The following DST variants were observed in gnomAD, a reference collection of about 807,000 sequenced individuals.
DST encodes the protein dystonin.
Under a neutral mutation model 875.2 loss-of-function variants are expected in DST, and 253 were observed. That is an observed-to-expected ratio of 0.29 (90% confidence interval 0.26 to 0.32). The LOEUF (loss-of-function observed/expected upper bound fraction) is 0.32, where lower values mean the gene tolerates loss of function less well. DST is among the 10% of genes least tolerant of loss of function. DST has a pLI of 1.00. For missense variants in DST, 8,287 were observed against 9,111.6 expected (o/e 0.91, Z 3.68); for synonymous variants, 3,124 against 3,197.1 (o/e 0.98, Z 0.77).
At chr6:56,562,113 G>T in intron 56 of DST, 25 bp downstream of exon 56, 4 of 1,419,090 alleles carry the variant, frequency 2.8e-6, no homozygotes, top group Non-Finnish European at 3.8e-6. Flanking sequence ...ACATTAATCA[G>T]TAACAAATTA....
At position 56,744,777 on chromosome 6, in the gene DST, T is replaced by C. The variant is rs928908431; in HGVS notation, c.626-9488A>G. The stretch of plus-strand genomic sequence containing the variant: ...CTCACTTGCCTACCTGATTTGACCT[T>C]CAACCACAGAAATCTCAGCCAACAT... On this transcript the variant is annotated intron_variant, in intron 4 of 103. Transcript: ENST00000680361. 2.6e-5 allele frequency among the ~76,000 whole-genome samples: 4 copies of C among 152,258 alleles called. No individual in the cohort carries two copies. In the South Asian group the frequency reaches 8.3e-4, roughly 32 times the overall value.
chr6:56,916,077 A>C (rs1475530920), intron 2 of DST, among the ~76,000 whole-genome samples: 1 of 152,212 alleles, frequency 6.6e-6, no homozygotes, highest in African/African-American at 2.4e-5. Context: ...CTCAGATGGC[A>C]GATAGGTGAT....
At chr6:56,951,908 T>C (rs1445101700) in intron 2 of DST, among the ~76,000 whole-genome samples, 1 of 152,246 alleles carries the variant, frequency 6.6e-6, no homozygotes, top group East Asian at 1.9e-4. Flanking sequence ...TGTGCATTTT[T>C]CTTTTCTGCC....
intron 5 of DST, among the ~76,000 whole-genome samples, chr6:56,716,349 C>T (rs1366950310): frequency 6.6e-6 from 1 of 152,126 alleles, no homozygotes; most frequent in Non-Finnish European, 1.5e-5. Context: ...AACTGAATAT[C>T]CTTACGCAAA....
intron 55 of DST, among the ~76,000 whole-genome samples, chr6:56,565,918 A>C (rs1025205507): frequency 6.6e-6 from 1 of 152,234 alleles, no homozygotes; most frequent in African/African-American, 2.4e-5. Flanking sequence ...CTAGAGAGGC[A>C]GTCTGGCTAC....
At chr6:56,463,789 C>G (rs763175036) in intron 100 of DST, 25 bp from the exon 101 acceptor site, 1 of 1,612,072 alleles carries the variant, frequency 6.2e-7, no homozygotes, top group Non-Finnish European at 8.5e-7. Context: ...CACAACAATG[C>G]ACACAAAGAA....
At chr6:56,664,155 G>C (rs1465443505) in intron 10 of DST, among the ~76,000 whole-genome samples, 3 of 152,092 alleles carry the variant, frequency 2.0e-5, no homozygotes, top group Non-Finnish European at 4.4e-5. Flanking sequence ...AAGCCCTCCT[G>C]CACATTCTGC....
intron 5 of DST, among the ~76,000 whole-genome samples, chr6:56,713,549 C>T (rs962843189): frequency 2.6e-5 from 4 of 152,158 alleles, no homozygotes; most frequent in East Asian, 1.9e-4. Flanking sequence ...GCTGCAGACT[C>T]GAGAGGAAGC....
At chr6:56,660,739 G>A (rs1314596518) in intron 10 of DST, among the ~76,000 whole-genome samples, 1 of 150,596 alleles carries the variant, frequency 6.6e-6, no homozygotes, top group Non-Finnish European at 1.5e-5. Context: ...TCAAAACTAG[G>A]TGCCTGAGTT....
At chr6:56,934,119 A>T (rs1224813721) in intron 2 of DST, among the ~76,000 whole-genome samples, 3 of 152,084 alleles carry the variant, frequency 2.0e-5, no homozygotes, top group African/African-American at 7.2e-5. Flanking sequence ...TTCCCATCTC[A>T]GCCTCCTAAG....
Position 56,851,513 on chromosome 6 carries a change from G to A in DST, c.509C>T (p.Ser170Phe). 2 of 1,614,062 alleles carry A rather than the reference G, an allele frequency of 1.2e-6. No homozygotes were observed. The highest frequency in any genetic ancestry group is 1.7e-6 in the Non-Finnish European group (2 of 1,179,904). The stretch of plus-strand genomic sequence containing the variant: ...GGGTAAGGTGTCTCCCGGAGCTGGG[G>A]ATGCGGAGCCAGATTTCTGGCTGAA... ...DDFSQKSGSA[S>F]PAPGDTLPWN... Residue 170 changes from serine to phenylalanine, a missense_variant, in exon 4 of 104, where the codon TCC (serine) becomes TTC (phenylalanine). By Grantham distance (155) the Ser-to-Phe change is radical. Transcript: ENST00000680361.
intron 3 of DST, among the ~76,000 whole-genome samples, chr6:56,884,532 T>C (rs774568875): frequency 4.6e-5 from 7 of 152,184 alleles, no homozygotes; most frequent in Non-Finnish European, 8.8e-5. Context: ...TTGTCTCTCA[T>C]GTATTAGCAG....
At chr6:56,536,599 T>C (rs1355277516) in intron 62 of DST, among the ~76,000 whole-genome samples, 180 bp downstream of exon 62, 1 of 152,204 alleles carries the variant, frequency 6.6e-6, no homozygotes, top group Admixed American at 6.5e-5. Flanking sequence ...TTGCTTCCTT[T>C]CATTTAGATT....
intron 5 of DST, among the ~76,000 whole-genome samples, chr6:56,725,712 A>G (rs1201174402): frequency 6.6e-6 from 1 of 152,210 alleles, no homozygotes; most frequent in Non-Finnish European, 1.5e-5. Flanking sequence ...TAAGATCTAG[A>G]GGGCTAGCCT....
chr6:56,516,220 AAGC>A (rs2096591360), intron 71 of DST, among the ~76,000 whole-genome samples: 1 of 152,006 alleles, frequency 6.6e-6, no homozygotes, highest in Non-Finnish European at 1.5e-5. Context: ...AGAGGAATCA[AAGC>A]AGAACATTTG....
In DST at chr6:56,814,632, A is replaced by T. The variant is rs572946181; in HGVS notation, c.625+36765T>A. ...CACAGCAAGTTACAGCTGTGCTTTCAGAAAAGAAAAGCCTAATTGCACCAC... is the reference window on the plus strand; with the variant it reads ...CACAGCAAGTTACAGCTGTGCTTTCTGAAAAGAAAAGCCTAATTGCACCAC... On this transcript the variant is annotated intron_variant, in intron 4 of 103. Transcript: ENST00000680361. 1.1e-4 allele frequency among the ~76,000 whole-genome samples: 16 copies of T among 152,334 alleles called. No individual in the cohort carries two copies. The South Asian group carries it at 3.1e-3, about 30-fold the overall frequency.
chr6:56,618,938 T>C lies in DST; in HGVS notation c.4930-4454A>G, dbSNP rs2098658114. ...AGCTTGTTGTAGCTGAACTTTCTGC[T>C]CCCCGCGTCGCTTCTCTTCTTTGGA... On this transcript the variant is annotated intron_variant, in intron 36 of 103. Transcript: ENST00000680361. 5 of 1,614,236 alleles carry C rather than the reference T, an allele frequency of 3.1e-6. No individual in the cohort carries two copies. The East Asian group carries it at 1.1e-4, about 36-fold the overall frequency.
In DST at chr6:56,463,585, G is replaced by A. The variant is rs201952309; in HGVS notation, c.22939C>T (p.Pro7647Ser). Residue 7647 changes from proline to serine, a missense_variant, in exon 101 of 104, where the codon CCT becomes TCT. Physicochemically the swap from Pro to Ser is moderately conservative, Grantham distance 74. Transcript: ENST00000680361. ...CTTACCTTGGGTGTGGTGGTGGCAG[G>A]GACCTGTGGGGAGGCCGCCTGCGCA... ...QAAQAASPQV[P>S]ATTTPKILHP... 2.7e-5 allele frequency: 43 copies of A among 1,595,338 alleles called. No individual in the cohort carries two copies. Among genetic ancestry groups the A allele is most frequent in the East Asian group, 2.2e-4 (10 of 44,574 alleles).
Position 56,604,404 on chromosome 6 carries a change from G to T in DST, c.10224C>A (p.Asp3408Glu), listed in dbSNP as rs1308451277. 2 of 1,610,776 alleles carry T rather than the reference G, an allele frequency of 1.2e-6. No homozygotes were observed. Among genetic ancestry groups the T allele is most frequent in the Admixed American group, 3.4e-5 (2 of 59,558 alleles). The change falls in exon 40 of 104, where the codon GAC (aspartate) becomes GAA (glutamate). Residue 3408 changes from aspartate to glutamate, a missense_variant. Around this residue, in one of 10 missense-constraint regions of DST, gnomAD observed 3,138 missense variants for 3,116.6 expected, o/e 1.01. Coordinates refer to ENST00000680361, the MANE Select transcript of DST (RefSeq NM_001374736.1). ...LVNEASTVPS[D>E]SQMSDSSGVS... Reference sequence around the variant, plus strand: ...CTCCAGAAGAGTCACTCATTTGAGAGTCGCTGGGCACAGTAGATGCCTCAT... The same window carrying T: ...CTCCAGAAGAGTCACTCATTTGAGATTCGCTGGGCACAGTAGATGCCTCAT...
Sources: gnomAD v4.1 joint callset for allele counts (sites outside exome capture counted in the v4.1 genomes callset) on GRCh38, gnomAD v4.1.1 for gene constraint, gnomAD v4.1.1 regional missense constraint, MANE v1.5 for transcripts, NCBI Gene and HGNC (gene_info 2026-07-23, HGNC 2026-07-21) for gene names.